Variants in MARCHF1 observed in about 807,000 individuals in gnomAD.
The protein encoded by MARCHF1 is E3 ubiquitin-protein ligase MARCHF1.
MARCHF1 carries 40 observed loss-of-function variants against 54.2 expected under a neutral mutation model. That is an observed-to-expected ratio of 0.74 (90% confidence interval 0.57 to 0.96). The LOEUF (loss-of-function observed/expected upper bound fraction) is 0.96, where lower values mean the gene tolerates loss of function less well. Ranked by LOEUF, MARCHF1 falls within the 40% of genes least tolerant of loss-of-function variation. MARCHF1 has a pLI of 0.00. For missense variants in MARCHF1, 586 were observed against 656.5 expected (o/e 0.89, Z 1.17); for synonymous variants, 236 against 236.3 (o/e 1.00, Z 0.01).
At chr4:164,351,309 G>C (rs1249953368) in intron 1 of MARCHF1, among the ~76,000 whole-genome samples, 1 of 151,140 alleles carries the variant, frequency 6.6e-6, no homozygotes, top group Non-Finnish European at 1.5e-5. Flanking sequence ...TCTGGGGGCA[G>C]GGCACAGTCA....
chr4:164,125,787 G>A (rs1026663198), intron 1 of MARCHF1, among the ~76,000 whole-genome samples: 2 of 152,122 alleles, frequency 1.3e-5, no homozygotes, highest in Non-Finnish European at 2.9e-5. Context: ...AGATCAGCAG[G>A]GCATTAGATT....
chr4:164,120,071 A>AC (rs1756033623), intron 1 of MARCHF1, among the ~76,000 whole-genome samples: 2 of 143,058 alleles, frequency 1.4e-5, no homozygotes, highest in African/African-American at 5.3e-5. Context: ...ATATTTAGTT[A>AC]TAAAAAATCA....
intron 1 of MARCHF1, among the ~76,000 whole-genome samples, chr4:164,291,717 T>G (rs1734287480): frequency 1.3e-5 from 2 of 152,032 alleles, no homozygotes; most frequent in African/African-American, 4.8e-5. Flanking sequence ...ACACAGACAA[T>G]TGTAACACAG....
chr4:163,612,261 A>G lies in MARCHF1; in HGVS notation c.1010+10T>C, dbSNP rs1447041149. On this transcript the variant is annotated intron_variant, in intron 7 of 9. Coordinates refer to ENST00000514618, the MANE Select transcript of MARCHF1 (RefSeq NM_001394959.1). ...TGGATGACATCAAGCCTTTCTCTAC[A>G]GTGACTGACCTGCATACTTCTAAAT... The G allele has an allele frequency of 1.4e-6, 2 of 1,476,580 alleles. No homozygotes were observed. The highest frequency in any genetic ancestry group is 5.1e-5 in the Admixed American group (2 of 39,046). The allele number at this position is 1,476,580 out of a possible 1,614,324, so 91.5% of individuals were successfully genotyped here. A position where few individuals can be genotyped will look rare whatever the true frequency, so the allele number is the denominator to read the frequency against.
At chr4:163,706,612 T>C (rs1356664868) in intron 4 of MARCHF1, among the ~76,000 whole-genome samples, 1 of 151,972 alleles carries the variant, frequency 6.6e-6, no homozygotes. Flanking sequence ...TCTGAACAAA[T>C]AAAGTACCAT....
At chr4:163,702,963 ACTGAGAGACTGC>A (rs1279202705) in intron 4 of MARCHF1, among the ~76,000 whole-genome samples, 4 of 152,266 alleles carry the variant, frequency 2.6e-5, no homozygotes, top group African/African-American at 9.6e-5. Flanking sequence ...AGTGATGTAA[ACTGAGAGACTGC>A]CTTGCAATGA....
At chr4:163,931,796 C>A (rs545875576) in intron 3 of MARCHF1, among the ~76,000 whole-genome samples, 14 of 152,286 alleles carry the variant, frequency 9.2e-5, no homozygotes, top group Admixed American at 6.5e-4. Context: ...CACTTGCAAA[C>A]TGAACTAAAA....
At chr4:163,851,153 G>A (rs916313248) in intron 4 of MARCHF1, among the ~76,000 whole-genome samples, 1 of 152,062 alleles carries the variant, frequency 6.6e-6, no homozygotes, top group African/African-American at 2.4e-5. Flanking sequence ...AAAAATTAAG[G>A]TAATATAGTT....
In MARCHF1 at chr4:163,781,123, G is replaced by T. The variant is rs183086939; in HGVS notation, c.111+72898C>A. ...CTTTGGGAGGCCAAGGGGCGGGGGGGGTGGATCACTTGAGGTCAGGAGTTC... is the reference window on the plus strand; with the variant it reads ...CTTTGGGAGGCCAAGGGGCGGGGGGTGTGGATCACTTGAGGTCAGGAGTTC... On this transcript the variant is annotated intron_variant, in intron 4 of 9. Transcript: ENST00000514618. 3.4e-3 allele frequency among the ~76,000 whole-genome samples: 521 copies of T among 152,160 alleles called. 1 individual carries two copies. Among genetic ancestry groups the T allele is most frequent in the African/African-American group, 0.011 (461 of 41,530 alleles).
At chr4:163,965,439 C>T (rs183703836) in intron 3 of MARCHF1, among the ~76,000 whole-genome samples, 17 of 152,028 alleles carry the variant, frequency 1.1e-4, no homozygotes, top group African/African-American at 2.9e-4. Flanking sequence ...ATATATATGA[C>T]GGATATAAGA....
chr4:164,244,635 C>CA (rs1306442846), intron 1 of MARCHF1, among the ~76,000 whole-genome samples: 6 of 148,518 alleles, frequency 4.0e-5, no homozygotes, highest in African/African-American at 1.2e-4. Context: ...AATAGAGACA[C>CA]AAAAAACCCT....
intron 2 of MARCHF1, among the ~76,000 whole-genome samples, chr4:164,072,113 G>A (rs1381081736): frequency 6.6e-6 from 1 of 152,112 alleles, no homozygotes; most frequent in African/African-American, 2.4e-5. Flanking sequence ...ATTTCTGACA[G>A]GCAAAAGTCA....
At chr4:164,052,257 T>C (rs1178919769) in intron 2 of MARCHF1, among the ~76,000 whole-genome samples, 1 of 58,164 alleles carries the variant, frequency 1.7e-5, no homozygotes, top group East Asian at 2.6e-4. Flanking sequence ...GCATAGTGGC[T>C]CACGCCTGTA....
intron 1 of MARCHF1, among the ~76,000 whole-genome samples, chr4:164,264,992 G>A (rs1392352741): frequency 6.6e-6 from 1 of 150,710 alleles, no homozygotes; most frequent in East Asian, 1.9e-4. Flanking sequence ...AATTGTAGAA[G>A]TATTCCTAAT....
At chr4:163,909,893 T>C (rs971122874) in intron 3 of MARCHF1, among the ~76,000 whole-genome samples, 11 of 152,186 alleles carry the variant, frequency 7.2e-5, no homozygotes, top group Non-Finnish European at 7.4e-5. Flanking sequence ...TGAACAGCTA[T>C]CCTCAACAAT....
chr4:163,945,287 C>G (rs1244913308), intron 3 of MARCHF1, among the ~76,000 whole-genome samples: 4 of 152,000 alleles, frequency 2.6e-5, no homozygotes, highest in Non-Finnish European at 5.9e-5. Flanking sequence ...TTATTTAACT[C>G]TCCAATTGGA....
intron 3 of MARCHF1, among the ~76,000 whole-genome samples, chr4:163,921,900 C>T (rs976488774): frequency 6.6e-6 from 1 of 152,086 alleles, no homozygotes; most frequent in African/African-American, 2.4e-5. Context: ...AATCATGCTG[C>T]TATAAAGACA....
At chr4:164,131,675 A>C (rs1365166078) in intron 1 of MARCHF1, among the ~76,000 whole-genome samples, 2 of 152,118 alleles carry the variant, frequency 1.3e-5, no homozygotes, top group Non-Finnish European at 2.9e-5. Flanking sequence ...ATCTTTGAAA[A>C]TTCTTGTGCT....
chr4:163,897,706 T>G (rs1750841799), intron 3 of MARCHF1, among the ~76,000 whole-genome samples: 2 of 152,040 alleles, frequency 1.3e-5, no homozygotes, highest in Admixed American at 1.3e-4. Flanking sequence ...TCTCACCGCA[T>G]AAAAAGATTA....
Sources: gnomAD v4.1 joint callset for allele counts (sites outside exome capture counted in the v4.1 genomes callset) on GRCh38, gnomAD v4.1.1 for gene constraint, MANE v1.5 for transcripts, NCBI Gene and HGNC (gene_info 2026-07-23, HGNC 2026-07-21) for gene names.